Variants in ZNF773 observed in about 807,000 individuals in gnomAD.
ZNF773 encodes the protein zinc finger protein 419B.
A neutral mutation model predicts 12.8 loss-of-function variants in ZNF773; 11 were observed. The observed-to-expected ratio is 0.86, with a 90% CI of 0.54 to 1.42. The LOEUF is 1.42. ZNF773 is among the 40% of genes most tolerant of loss of function. The probability of loss-of-function intolerance (pLI) is 0.00; values close to 1 mark genes in which losing one functional copy is unlikely to be tolerated. For synonymous variants in ZNF773, 175 were observed against 178.4 expected, an observed-to-expected ratio of 0.98 and a Z score of 0.15; for missense variants, 518 against 527.2, an observed-to-expected ratio of 0.98 and a Z score of 0.17.
downstream of ZNF773, among the ~76,000 whole-genome samples, chr19:57,512,706 G>A (rs890326345): frequency 3.9e-5 from 6 of 152,204 alleles, no homozygotes; most frequent in African/African-American, 1.2e-4. Flanking sequence ...CATGAATGCA[G>A]TATGTTGGCA....
At chr19:57,509,496 G>A (rs1173722536), downstream of ZNF773, among the ~76,000 whole-genome samples, 1 of 152,176 alleles carries the variant, frequency 6.6e-6, no homozygotes, top group East Asian at 1.9e-4. Context: ...CTGTTTTCTG[G>A]TTGTGGCAGA....
intron 1 of ZNF773, among the ~76,000 whole-genome samples, chr19:57,500,496 G>A (rs1568577495): frequency 7.0e-6 from 1 of 143,054 alleles, no homozygotes; most frequent in Admixed American, 7.0e-5. Flanking sequence ...AGACTGGGGT[G>A]GGGGTGAGGC....
intron 1 of ZNF773, among the ~76,000 whole-genome samples, chr19:57,502,502 G>C (rs1244706285): frequency 6.6e-6 from 1 of 152,142 alleles, no homozygotes; most frequent in East Asian, 1.9e-4. Flanking sequence ...GGATGGAAAT[G>C]GGGAAGGCTA....
Position 57,506,351 on chromosome 19 carries a change from C to G in ZNF773, c.263-7C>G, listed in dbSNP as rs376495733. The G allele has an allele frequency of 8.1e-6, 13 of 1,599,998 alleles. No homozygotes were observed. In the African/African-American group the frequency reaches 1.5e-4, roughly 18 times the overall value. ...CATTTACTTCATCAACATTTCTCTT[C>G]TTTCAGGTAGTTGGCAAGGAGCCAA... On this transcript the variant is annotated splice_polypyrimidine_tract_variant and splice_region_variant and intron_variant, in intron 3 of 3. Transcript: ENST00000282292.
downstream of ZNF773, chr19:57,508,607 T>C (rs780681731): frequency 1.4e-6 from 1 of 696,694 alleles, no homozygotes; most frequent in South Asian, 1.5e-5. Flanking sequence ...ACTTGCCAAA[T>C]TGTGTTCTAA....
At chr19:57,500,558 T>A (rs2089658293) in intron 1 of ZNF773, among the ~76,000 whole-genome samples, 1 of 151,924 alleles carries the variant, frequency 6.6e-6, no homozygotes, top group Non-Finnish European at 1.5e-5. Flanking sequence ...GTGGAGAGTC[T>A]ACTGGGACTG....
At chr19:57,500,765 T>C (rs982810674) in intron 1 of ZNF773, among the ~76,000 whole-genome samples, 14 of 152,140 alleles carry the variant, frequency 9.2e-5, no homozygotes. Context: ...GAATAGGTTT[T>C]GGGCATGGTG....
chr19:57,508,300 A>C (rs1191455110), downstream of ZNF773: 127 of 1,202,614 alleles, frequency 1.1e-4, no homozygotes, highest in Non-Finnish European at 1.3e-4. Flanking sequence ...TCTGTCTTGG[A>C]GCTCCAGAGA....
At chr19:57,517,139 T>C (rs2089836939), downstream of ZNF773, 1 of 152,218 alleles carries the variant, frequency 6.6e-6, no homozygotes, top group African/African-American at 2.4e-5. Context: ...TACCACACAG[T>C]TTACAATTTG....
chr19:57,507,756 CAAGGT>C lies in ZNF773; in HGVS notation c.*333_*337del. ...TTGGGAGGCTGAAGCGGGCGGATCA[CAAGGT>C]CAGGACATCGAAACCATCCTGGTTA... is the stretch of plus-strand genomic sequence containing the variant. On this transcript the variant is annotated 3_prime_UTR_variant, in exon 4 of 4. Coordinates refer to ENST00000282292, the MANE Select transcript of ZNF773 (RefSeq NM_198542.3). The C allele has an allele frequency of 3.8e-6, 4 of 1,061,534 alleles. No homozygotes were observed. The South Asian group carries it at 1.1e-4, about 29-fold the overall frequency. 65.8% of individuals were successfully genotyped at this position (1,061,534 alleles called of 1,614,324 possible).
At position 57,507,011 on chromosome 19, in the gene ZNF773, A is replaced by C. The variant is rs745569910; in HGVS notation, c.916A>C (p.Ser306Arg). Residue 306 changes from serine (S) to arginine (R), a missense_variant, in exon 4 of 4, where the codon AGT (serine) becomes CGT (arginine). Ser to Arg is a moderately radical substitution (Grantham distance 110). Transcript: ENST00000282292. The part of the protein sequence containing the change: ...IHTGVRPYEC[S>R]ECGKLFSFNS... ...CACTGGAGTAAGGCCTTATGAGTGC[A>C]GTGAATGTGGAAAATTGTTTAGTTT... is the stretch of plus-strand genomic sequence containing the variant. 6.2e-7 allele frequency: 1 copy of C among 1,614,238 alleles called. No homozygotes were observed. The highest frequency in any genetic ancestry group is 2.2e-5 in the East Asian group (1 of 44,880).
At chr19:57,505,122 T>G in intron 2 of ZNF773, 180 bp from the exon 3 acceptor site, 1 of 766,406 alleles carries the variant, frequency 1.3e-6, no homozygotes, top group Middle Eastern at 2.2e-4. Context: ...CTAGCCAACA[T>G]ACCTGGGTGT....
chr19:57,516,033 G>A (rs1345147138), downstream of ZNF773: 1 of 153,536 alleles, frequency 6.5e-6, no homozygotes, highest in Non-Finnish European at 1.5e-5. Context: ...TGGGGACGAG[G>A]GTTTGCTTGT....
At position 57,506,359 on chromosome 19, in the gene ZNF773, T is replaced by G. The variant is rs1270422989; in HGVS notation, c.264T>G (p.Gly88=). ...WEVVTSAILR[G]SWQGAKAEAA... Reference sequence around the variant, plus strand: ...TCATCAACATTTCTCTTCTTTCAGGTAGTTGGCAAGGAGCCAAGGCTGAGG... The same window carrying G: ...TCATCAACATTTCTCTTCTTTCAGGGAGTTGGCAAGGAGCCAAGGCTGAGG... The change falls in exon 4 of 4, where the codon GGT becomes GGG. Residue 88 remains glycine, a splice_region_variant and synonymous_variant. Coordinates refer to ENST00000282292, the MANE Select transcript of ZNF773 (RefSeq NM_198542.3). 6.2e-7 allele frequency: 1 copy of G among 1,601,214 alleles called. No homozygotes were observed. Among genetic ancestry groups the G allele is most frequent in the African/African-American group, 1.4e-5 (1 of 73,970 alleles).
downstream of ZNF773, chr19:57,515,994 A>G (rs559597440): frequency 6.5e-6 from 1 of 152,724 alleles, no homozygotes; most frequent in South Asian, 2.0e-4. Context: ...GAAGAAGGAC[A>G]ATGGAAAGGC....
Position 57,506,459 on chromosome 19 carries a change from G to C in ZNF773, c.364G>C (p.Glu122Gln). Residue 122 changes from glutamate (E) to glutamine (Q), a missense_variant, in exon 4 of 4, where the codon GAG (glutamate) becomes CAG (glutamine). By Grantham distance (29) the Glu-to-Gln change is conservative. Transcript: ENST00000282292. Reference sequence around the variant, plus strand: ...GCAACACCAGAAGCAGCACTGTGGAGAGAAACCCTTAAAAAGACAAGAGGG... The same window carrying C: ...GCAACACCAGAAGCAGCACTGTGGACAGAAACCCTTAAAAAGACAAGAGGG... ...VQQHQKQHCGEKPLKRQEGRV... is the reference protein window; with the variant it reads ...VQQHQKQHCGQKPLKRQEGRV... 1 of 1,614,224 alleles carries C rather than the reference G, an allele frequency of 6.2e-7. No homozygotes were observed.
At chr19:57,515,821 G>A (rs972293493), downstream of ZNF773, 1 of 152,146 alleles carries the variant, frequency 6.6e-6, no homozygotes, top group Non-Finnish European at 1.5e-5. Flanking sequence ...AACAAAAATG[G>A]GGACTAGGAG....
chr19:57,513,224 T>G, downstream of ZNF773: 1 of 750,962 alleles, frequency 1.3e-6, no homozygotes, highest in African/African-American at 1.8e-5. Context: ...ATTTGTCTGC[T>G]GAAGAGCAAC....
chr19:57,516,781 C>G (rs543821582), downstream of ZNF773: 8 of 152,334 alleles, frequency 5.3e-5, no homozygotes, highest in East Asian at 1.5e-3. Context: ...GGCCCCTTAG[C>G]TAAACAACAG....
Sources: gnomAD v4.1 joint callset for allele counts (sites outside exome capture counted in the v4.1 genomes callset) on GRCh38, gnomAD v4.1.1 for gene constraint, MANE v1.5 for transcripts, NCBI Gene and HGNC (gene_info 2026-07-23, HGNC 2026-07-21) for gene names.